Variants in JADE2 observed in about 807,000 individuals in gnomAD.
JADE2 encodes the protein E3 ubiquitin-protein ligase Jade-2.
Under a neutral mutation model 85.7 loss-of-function variants are expected in JADE2, and 13 were observed. That is an observed-to-expected ratio of 0.15 (90% CI 0.10 to 0.24). The LOEUF (loss-of-function observed/expected upper bound fraction) is 0.24. Among genes scored for constraint, JADE2 ranks in the 10% least tolerant of loss-of-function variants. The probability of loss-of-function intolerance (pLI) is 1.00; values close to 1 mark genes in which losing one functional copy is unlikely to be tolerated. For missense variants in JADE2, 846 were observed against 1,115.9 expected (o/e 0.76, Z 3.45); for synonymous variants, 440 against 456.1 (o/e 0.96, Z 0.45).
At position 134,566,180 on chromosome 5, in the gene JADE2, T is replaced by C; in HGVS notation, c.1034T>C (p.Met345Thr). The change falls in exon 9 of 12, where the codon ATG becomes ACG. Residue 345 changes from methionine (M) to threonine (T), a missense_variant. This residue lies in a region of JADE2 where 39 missense variants were observed against 37.6 expected (regional missense o/e 1.04). Coordinates refer to ENST00000681547, the MANE Select transcript of JADE2 (RefSeq NM_001388185.1). The surrounding 1 kb of genome is among the most constrained non-coding windows in gnomAD (Gnocchi z 6.7). Reference protein sequence around the residue: ...VTCAFDHGLEMRTILADNDEV... With the variant: ...VTCAFDHGLETRTILADNDEV... ...TGCGCCTTTGACCACGGCCTGGAAA[T>C]GCGGACTATATTAGCAGACAACGAT... 3 of 1,613,870 alleles carry C rather than the reference T, an allele frequency of 1.9e-6. No homozygotes were observed. The highest frequency in any genetic ancestry group is 2.5e-6 in the Non-Finnish European group (3 of 1,179,988).
At chr5:134,557,085 AACACAC>A (rs57933495) in intron 4 of JADE2, among the ~76,000 whole-genome samples, 9 of 147,932 alleles carry the variant, frequency 6.1e-5, no homozygotes, top group Non-Finnish European at 1.2e-4. Context: ...ACACCACACA[AACACAC>A]ACACACACAC....
intron 4 of JADE2, among the ~76,000 whole-genome samples, chr5:134,556,923 T>TCACACAG (rs770042243): frequency 4.7e-4 from 49 of 103,190 alleles, no homozygotes; most frequent in Non-Finnish European, 8.1e-4. Context: ...CACACACACA[T>TCACACAG]CACACAGCAC....
intron 11 of JADE2, 22 bp downstream of exon 11, chr5:134,576,918 C>A: frequency 6.6e-7 from 1 of 1,519,906 alleles, no homozygotes; most frequent in Non-Finnish European, 8.8e-7. Flanking sequence ...CCATGCTGGC[C>A]TGCAGACACG....
rs1057079637 is a variant in JADE2 at position 134,581,016 on chromosome 5, C to G, written c.*1699C>G. 7 of 152,574 alleles carry G rather than the reference C, an allele frequency of 4.6e-5. No individual in the cohort carries two copies. Among genetic ancestry groups the G allele is most frequent in the Admixed American group, 4.6e-4 (7 of 15,282 alleles). 9.5% of individuals were successfully genotyped at this position (152,574 alleles called of 1,614,324 possible). A position where few individuals can be genotyped will look rare whatever the true frequency, so the allele number is the denominator to read the frequency against. The stretch of plus-strand genomic sequence containing the variant: ...TCCCCAAATACATAAAGCAAATAAG[C>G]AGGATGGGGAACAGCTTGACCTTCA... On this transcript the variant is annotated 3_prime_UTR_variant, in exon 12 of 12. Coordinates refer to ENST00000681547, the MANE Select transcript of JADE2 (RefSeq NM_001388185.1).
Position 134,566,202 on chromosome 5 carries a change from C to T in JADE2, c.1056C>T (p.Asn352=), listed in dbSNP as rs745623644. 31 of 1,613,976 alleles carry T rather than the reference C, an allele frequency of 1.9e-5. No individual in the cohort carries two copies. The highest frequency in any genetic ancestry group is 2.4e-5 in the Non-Finnish European group (28 of 1,180,038). The stretch of plus-strand genomic sequence containing the variant: ...AAATGCGGACTATATTAGCAGACAA[C>T]GATGAGGTCAAGTTCAAGTCATTCT... The part of the protein sequence containing the change: ...GLEMRTILAD[N]DEVKFKSFCQ... The change falls in exon 9 of 12, where the codon AAC becomes AAT. Residue 352 remains asparagine (N), a synonymous_variant. Coordinates refer to ENST00000681547, the MANE Select transcript of JADE2 (RefSeq NM_001388185.1). The surrounding 1 kb of genome is among the most constrained non-coding windows in gnomAD (Gnocchi z 6.7).
At chr5:134,546,678 G>A (rs373798843) in intron 3 of JADE2, among the ~76,000 whole-genome samples, 13 of 151,882 alleles carry the variant, frequency 8.6e-5, no homozygotes, top group African/African-American at 3.1e-4. Flanking sequence ...TGAGGCAGGA[G>A]AATCGCTGGA....
chr5:134,572,722 G>A (rs1764111851), intron 9 of JADE2, among the ~76,000 whole-genome samples: 1 of 152,238 alleles, frequency 6.6e-6, no homozygotes, highest in Non-Finnish European at 1.5e-5. Flanking sequence ...GGCCTGCCCT[G>A]AGAGCAGCCA....
Position 134,562,494 on chromosome 5 carries a change from C to A in JADE2, c.852+127C>A. 1.0e-6 allele frequency: 1 copy of A among 993,422 alleles called. No homozygotes were observed. The highest frequency in any genetic ancestry group is 1.5e-6 in the Non-Finnish European group (1 of 689,312). 61.5% of individuals were successfully genotyped at this position (993,422 alleles called of 1,614,324 possible). On this transcript the variant is annotated intron_variant, in intron 7 of 11. Coordinates refer to ENST00000681547, the MANE Select transcript of JADE2 (RefSeq NM_001388185.1). This position sits in a 1 kb window ranked among gnomAD's most constrained non-coding sequence, Gnocchi z 4.6. ...CTCGCACTAAAACACTGAGATCGGC[C>A]GGGCGCGGTGGCTCACGCCTGTAAT... is the stretch of plus-strand genomic sequence containing the variant.
intron 9 of JADE2, among the ~76,000 whole-genome samples, chr5:134,570,675 A>T (rs1052639688): frequency 5.3e-5 from 8 of 152,022 alleles, no homozygotes; most frequent in Middle Eastern, 3.4e-3. Context: ...ACCTGCCCTT[A>T]GTCTTGGAGT....
chr5:134,536,229 C>T (rs1761578330), intron 2 of JADE2, among the ~76,000 whole-genome samples: 1 of 152,130 alleles, frequency 6.6e-6, no homozygotes, highest in East Asian at 1.9e-4. Flanking sequence ...AAGTGAAGGT[C>T]CATATAGAAA....
At chr5:134,540,149 G>T (rs1343688098) in intron 3 of JADE2, among the ~76,000 whole-genome samples, 1 of 152,116 alleles carries the variant, frequency 6.6e-6, no homozygotes, top group African/African-American at 2.4e-5. Context: ...GGAAGCAAAA[G>T]GCAGGTGGGG....
At chr5:134,525,304 G>A (rs971465179), upstream of JADE2, among the ~76,000 whole-genome samples, 78 of 152,188 alleles carry the variant, frequency 5.1e-4, no homozygotes, top group African/African-American at 1.9e-3. Context: ...CAGACCTGAT[G>A]GGACTTGCAC....
In JADE2 at chr5:134,566,605, C is replaced by G. The variant is rs1388830686; in HGVS notation, c.1434+25C>G. 6.7e-7 allele frequency: 1 copy of G among 1,501,878 alleles called. No individual in the cohort carries two copies. Among genetic ancestry groups the G allele is most frequent in the Non-Finnish European group, 9.0e-7 (1 of 1,113,476 alleles). 93.0% of individuals were successfully genotyped at this position (1,501,878 alleles called of 1,614,324 possible). ...GGTGAGTCCCCATGCCGCCTGCCCA[C>G]CCCCTGCCTGGTGGGTCCAGGAGTC... On this transcript the variant is annotated intron_variant, in intron 9 of 11. Coordinates refer to ENST00000681547, the MANE Select transcript of JADE2 (RefSeq NM_001388185.1). This position sits in a 1 kb window ranked among gnomAD's most constrained non-coding sequence, Gnocchi z 6.7.
intron 1 of JADE2, among the ~76,000 whole-genome samples, chr5:134,527,872 A>C (rs934390193): frequency 4.6e-5 from 7 of 152,172 alleles, no homozygotes; most frequent in Non-Finnish European, 8.8e-5. Flanking sequence ...CCGAAGGCAC[A>C]CTGCGGCCGG....
intron 9 of JADE2, among the ~76,000 whole-genome samples, chr5:134,568,699 C>T (rs1763803115): frequency 6.6e-6 from 1 of 152,250 alleles, no homozygotes; most frequent in African/African-American, 2.4e-5. Context: ...ATGCACAGCC[C>T]TGGCAGGGCC....
At chr5:134,571,186 G>A (rs1037262157) in intron 9 of JADE2, among the ~76,000 whole-genome samples, 4 of 152,202 alleles carry the variant, frequency 2.6e-5, no homozygotes, top group African/African-American at 9.7e-5. Context: ...TCTCCCTGTA[G>A]GCACCTGTGT....
At chr5:134,568,370 T>C (rs754852354) in intron 9 of JADE2, among the ~76,000 whole-genome samples, 2 of 152,200 alleles carry the variant, frequency 1.3e-5, no homozygotes, top group Non-Finnish European at 2.9e-5. Context: ...ATTCTGTAAA[T>C]TTCCTGGGCA....
intron 1 of JADE2, chr5:134,526,652 G>GCACGCGGC (rs1760843018): frequency 1.0e-6 from 1 of 985,288 alleles, no homozygotes; most frequent in Non-Finnish European, 1.2e-6. Context: ...CTCCCGGCCC[G>GCACGCGGC]GTGCACGCGG....
chr5:134,560,655 G>A (rs1763265156), intron 5 of JADE2, 91 bp from the exon 6 acceptor site: 2 of 1,125,136 alleles, frequency 1.8e-6, no homozygotes, highest in Non-Finnish European at 2.6e-6. Flanking sequence ...CATCTGCCCT[G>A]AATTCCTGCA....
Sources: allele counts gnomAD v4.1 joint callset (sites outside exome capture counted in the v4.1 genomes callset), GRCh38; gene constraint gnomAD v4.1.1; regional missense constraint gnomAD v4.1.1; non-coding constraint Gnocchi (gnomAD v3.1); transcripts MANE v1.5; gene names NCBI Gene and HGNC (gene_info 2026-07-23, HGNC 2026-07-21).